PCDHGA1: variants seen among roughly 807,000 people sequenced by gnomAD.
PCDHGA1 encodes the protein protocadherin gamma-A1.
PCDHGA1 carries 32 observed loss-of-function variants against 58.0 expected under a neutral mutation model. That is an observed-to-expected ratio of 0.55 (90% CI 0.42 to 0.74). The LOEUF (loss-of-function observed/expected upper bound fraction) is 0.74, where lower values mean the gene tolerates loss of function less well. PCDHGA1 is among the 30% of genes least tolerant of loss of function. The pLI, the probability that PCDHGA1 is intolerant of heterozygous loss-of-function variation, is 0.00. For missense variants in PCDHGA1, 1,205 were observed against 1,182.3 expected (o/e 1.02, Z -0.28); for synonymous variants, 498 against 501.1 (o/e 0.99, Z 0.08).
chr5:141,425,834 C>A (rs925446924), intron 1 of PCDHGA1, among the ~76,000 whole-genome samples: 1 of 152,220 alleles, frequency 6.6e-6, no homozygotes, highest in Non-Finnish European at 1.5e-5. Context: ...CTTTTAAATT[C>A]TCTTTGCTGG....
intron 1 of PCDHGA1, among the ~76,000 whole-genome samples, chr5:141,359,576 A>C (rs541965330): frequency 6.6e-6 from 1 of 151,854 alleles, no homozygotes; most frequent in East Asian, 1.9e-4. Context: ...TATGATCTTT[A>C]AGATATAACA....
chr5:141,354,903 T>C (rs561929111), intron 1 of PCDHGA1: 1 of 399,854 alleles, frequency 2.5e-6, no homozygotes, highest in Non-Finnish European at 4.4e-6. Flanking sequence ...GAAATAGGAA[T>C]AGAAAAGTGT....
Position 141,389,013 on chromosome 5 carries a change from A to G in PCDHGA1, c.2421+55908A>G, listed in dbSNP as rs187666474. 2.5e-6 allele frequency: 4 copies of G among 1,614,010 alleles called. No homozygotes were observed. The African/African-American group carries it at 4.0e-5, about 16-fold the overall frequency. On this transcript the variant is annotated intron_variant, in intron 1 of 3. Coordinates refer to ENST00000517417, the MANE Select transcript of PCDHGA1 (RefSeq NM_018912.3). ...AGTCCGTGACAAGGATTCCAGACAC[A>G]ATGGAGAAGTGACTTGTAAATTGGA...
At chr5:141,406,431 T>G (rs1316370664) in intron 1 of PCDHGA1, among the ~76,000 whole-genome samples, 3 of 152,352 alleles carry the variant, frequency 2.0e-5, no homozygotes, top group Non-Finnish European at 4.4e-5. Context: ...ATTTATTGCT[T>G]CTATTCTTCC....
intron 1 of PCDHGA1, chr5:141,395,376 T>G (rs1589259426): frequency 1.7e-6 from 2 of 1,180,196 alleles, no homozygotes; most frequent in East Asian, 5.2e-5. Flanking sequence ...TTTGGTGGTG[T>G]TACTATAAAA....
At chr5:141,388,412 T>G (rs1381904129) in intron 1 of PCDHGA1, 1 of 1,613,752 alleles carries the variant, frequency 6.2e-7, no homozygotes, top group African/African-American at 1.3e-5. Context: ...GTCCCAGTGA[T>G]CATTTCTCAC....
intron 1 of PCDHGA1, chr5:141,399,694 A>G (rs1467163302): frequency 1.9e-6 from 3 of 1,613,454 alleles, no homozygotes; most frequent in Admixed American, 1.7e-5. Flanking sequence ...GCAGCTGCGC[A>G]CCTTCGAACT....
chr5:141,375,522 A>C, intron 1 of PCDHGA1: 1 of 1,614,010 alleles, frequency 6.2e-7, no homozygotes, highest in Non-Finnish European at 8.5e-7. Flanking sequence ...CTGGACCCTG[A>C]CGTGGACCAG....
intron 1 of PCDHGA1, chr5:141,371,995 C>G: frequency 1.2e-6 from 2 of 1,613,264 alleles, no homozygotes; most frequent in Non-Finnish European, 1.7e-6. Context: ...ACTCTGCAGG[C>G]CCGCGACCAG....
chr5:141,398,586 A>G, intron 1 of PCDHGA1: 2 of 1,614,054 alleles, frequency 1.2e-6, no homozygotes, highest in Non-Finnish European at 1.7e-6. Flanking sequence ...CAAGATTTAT[A>G]CTAGAAGTAG....
Position 141,333,019 on chromosome 5 carries a change from C to T in PCDHGA1, c.2335C>T (p.Leu779Phe), listed in dbSNP as rs11575968. ...CCCCCAGCCCAACTATGCGGACACA[C>T]TCATCAGCCAGGAGAGCTGTGAGAA... Reference protein sequence around the residue: ...IFPQPNYADTLISQESCEKKG... With the variant: ...IFPQPNYADTFISQESCEKKG... Residue 779 changes from leucine (L) to phenylalanine (F), a missense_variant, in exon 1 of 4, where the codon CTC (leucine) becomes TTC (phenylalanine). By Grantham distance (22) the Leu-to-Phe change is conservative (BLOSUM62 0). Coordinates refer to ENST00000517417, the MANE Select transcript of PCDHGA1 (RefSeq NM_018912.3). 0.017 allele frequency: 27,233 copies of T among 1,614,190 alleles called. 299 individuals are homozygous for T. The highest frequency in any genetic ancestry group is 0.032 in the African/African-American group (2,423 of 75,042).
rs2099399818 is a variant in PCDHGA1, at chr5:141,476,845, C to G, written c.2422-17962C>G. 6.2e-7 allele frequency: 1 copy of G among 1,613,794 alleles called. No individual in the cohort carries two copies. Among genetic ancestry groups the G allele is most frequent in the African/African-American group, 1.3e-5 (1 of 75,078 alleles). ...TGGACGCGAATGACAATGCGCCTGTCTTCAACCAGTCCTTGTACCGGGCGC... is the reference window on the plus strand; with the variant it reads ...TGGACGCGAATGACAATGCGCCTGTGTTCAACCAGTCCTTGTACCGGGCGC... On this transcript the variant is annotated intron_variant, in intron 1 of 3. Transcript: ENST00000517417. This position sits in a 1 kb window ranked among gnomAD's most constrained non-coding sequence, Gnocchi z 7.6.
chr5:141,351,045 T>A, intron 1 of PCDHGA1: 1 of 1,614,090 alleles, frequency 6.2e-7, no homozygotes, highest in Non-Finnish European at 8.5e-7. Flanking sequence ...CTGCGGGTGA[T>A]GGCCACAGAC....
chr5:141,418,277 T>G, intron 1 of PCDHGA1: 2 of 1,614,026 alleles, frequency 1.2e-6, no homozygotes, highest in Non-Finnish European at 1.7e-6. Flanking sequence ...TGAAATAAAC[T>G]TAGAAATCAG....
rs776258973 is a variant in PCDHGA1, at chr5:141,489,877, A to G, written c.2422-4930A>G. 1.2e-6 allele frequency: 2 copies of G among 1,614,230 alleles called. No individual in the cohort carries two copies. The highest frequency in any genetic ancestry group is 2.2e-5 in the South Asian group (2 of 91,090). Reference sequence around the variant, plus strand: ...CCAGGCAAGACATCAGCTGGTGCTTACTGCTGTGGATGGGGGGACCCCAGC... The same window carrying G: ...CCAGGCAAGACATCAGCTGGTGCTTGCTGCTGTGGATGGGGGGACCCCAGC... On this transcript the variant is annotated intron_variant, in intron 1 of 3. Coordinates refer to ENST00000517417, the MANE Select transcript of PCDHGA1 (RefSeq NM_018912.3). This position sits in a 1 kb window ranked among gnomAD's most constrained non-coding sequence, Gnocchi z 4.5.
In PCDHGA1 at chr5:141,490,803, C is replaced by A; in HGVS notation, c.2422-4004C>A. The A allele has an allele frequency of 6.2e-7, 1 of 1,613,956 alleles. No homozygotes were observed. Among genetic ancestry groups the A allele is most frequent in the South Asian group, 1.1e-5 (1 of 91,080 alleles). On this transcript the variant is annotated intron_variant, in intron 1 of 3. Transcript: ENST00000517417. The surrounding 1 kb of genome is among the most constrained non-coding windows in gnomAD (Gnocchi z 5.4). ...ATGGACGGATCTTTGCCCAGCGTAC[C>A]TTTGACTATGAATTGCTGCAGATGC...
chr5:141,383,977 A>G (rs1187887484), intron 1 of PCDHGA1: 1 of 1,613,786 alleles, frequency 6.2e-7, no homozygotes, highest in Non-Finnish European at 8.5e-7. Flanking sequence ...CCCTGAAGAC[A>G]CACCTCTTGG....
At chr5:141,393,559 T>A (rs1349401032) in intron 1 of PCDHGA1, 1 of 1,613,814 alleles carries the variant, frequency 6.2e-7, no homozygotes, top group Non-Finnish European at 8.5e-7. Context: ...ATTTACCGAG[T>A]GAAAGTCCTT....
intron 1 of PCDHGA1, chr5:141,382,977 C>T: frequency 6.2e-7 from 1 of 1,610,566 alleles, no homozygotes. Context: ...CCTGGGAAGC[C>T]TGGGCAGGAC....
Sources: allele counts gnomAD v4.1 joint callset (sites outside exome capture counted in the v4.1 genomes callset), GRCh38; gene constraint gnomAD v4.1.1; non-coding constraint Gnocchi (gnomAD v3.1); transcripts MANE v1.5; gene names NCBI Gene and HGNC (gene_info 2026-07-23, HGNC 2026-07-21).